The following ACACB variants were observed in gnomAD, a reference collection of about 807,000 sequenced individuals.
The protein encoded by ACACB is acetyl-CoA carboxylase beta, also known as acetyl-CoA carboxylase 2.
Under a neutral mutation model 278.8 loss-of-function variants are expected in ACACB, and 209 were observed. The observed-to-expected ratio is 0.75, with a 90% confidence interval of 0.67 to 0.84. ACACB has a LOEUF of 0.84. ACACB is among the 40% of genes least tolerant of loss of function. ACACB has a pLI of 0.00. For synonymous variants in ACACB, 1,174 were observed against 1,285.6 expected (o/e 0.91, Z 1.86); for missense variants, 2,850 against 3,269.0 (o/e 0.87, Z 3.13).
At chr12:109,218,614 C>A (rs1188840685) in intron 24 of ACACB, among the ~76,000 whole-genome samples, 1 of 150,828 alleles carries the variant, frequency 6.6e-6, no homozygotes, top group African/African-American at 2.4e-5. Flanking sequence ...AGAGTAAGAG[C>A]AACTTGGACT....
At chr12:109,117,554 C>T (rs1023707748) in intron 1 of ACACB, among the ~76,000 whole-genome samples, 1 of 151,912 alleles carries the variant, frequency 6.6e-6, no homozygotes, top group Non-Finnish European at 1.5e-5. Flanking sequence ...CCTGTCTAAC[C>T]CTCCTCCTCC....
intron 35 of ACACB, among the ~76,000 whole-genome samples, chr12:109,240,599 T>A (rs1232141088): frequency 6.7e-6 from 1 of 148,192 alleles, no homozygotes; most frequent in Non-Finnish European, 1.5e-5. Context: ...TTTTATTTTA[T>A]TATTTAATAA....
At position 109,247,632 on chromosome 12, in the gene ACACB, C is replaced by G. The variant is rs1335147414; in HGVS notation, c.5598C>G (p.Pro1866=). 1 of 1,613,932 alleles carries G rather than the reference C, an allele frequency of 6.2e-7. No homozygotes were observed. The highest frequency in any genetic ancestry group is 1.3e-5 in the African/African-American group (1 of 75,050). ...HKGFKYLYLT[P]QDYTRISSLN... ...GATTTAAATACCTGTACCTGACTCC[C>G]CAAGACTACACCAGAATCAGCTCCC... The change falls in exon 40 of 53, where the codon CCC becomes CCG. Residue 1866 remains proline, a synonymous_variant. Coordinates refer to ENST00000338432, the MANE Select transcript of ACACB (RefSeq NM_001093.4).
At chr12:109,229,688 C>A (rs2046414308) in intron 28 of ACACB, among the ~76,000 whole-genome samples, 2 of 152,092 alleles carry the variant, frequency 1.3e-5, no homozygotes, top group African/African-American at 4.8e-5. Context: ...CACCACCAAG[C>A]CCCACTACTT....
At position 109,227,400 on chromosome 12, in the gene ACACB, T is replaced by C. The variant is rs767464783; in HGVS notation, c.3912T>C (p.Tyr1304=). Residue 1304 remains tyrosine (Y), a synonymous_variant, in exon 28 of 53, where the codon TAT becomes TAC. Transcript: ENST00000338432. ...EVYVRRGYIA[Y]ELNSLQHRQL... Reference sequence around the variant, plus strand: ...ACGTGCGGAGGGGCTACATCGCCTATGAGTTAAACAGCCTGCAGCACCGGC... The same window carrying C: ...ACGTGCGGAGGGGCTACATCGCCTACGAGTTAAACAGCCTGCAGCACCGGC... 2.2e-5 allele frequency: 36 copies of C among 1,613,534 alleles called. 1 individual carries two copies. In the South Asian group the frequency reaches 3.0e-4, roughly 13 times the overall value.
Position 109,191,951 on chromosome 12 carries a change from G to A in ACACB, c.2399+1G>A, listed in dbSNP as rs1441934845. The A allele has an allele frequency of 3.7e-6, 6 of 1,614,058 alleles. No individual in the cohort carries two copies. The Admixed American group carries it at 8.3e-5, about 22-fold the overall frequency. On this transcript the variant is annotated splice_donor_variant, in intron 15 of 52. Coordinates refer to ENST00000338432, the MANE Select transcript of ACACB (RefSeq NM_001093.4). LOFTEE classifies it high-confidence loss of function. ...CAGATTTCTTACACTCCCTGGAAAG[G>A]TAGGGGCTGTGGCAGTTCCCTTCTG...
At chr12:109,223,028 G>A in intron 26 of ACACB, 116 bp downstream of exon 26, 1 of 808,910 alleles carries the variant, frequency 1.2e-6, no homozygotes, top group Non-Finnish European at 2.0e-6. Context: ...GCAGGGCACA[G>A]CCACAGATGC....
chr12:109,232,903 G>C, intron 29 of ACACB, 97 bp downstream of exon 29: 1 of 1,457,958 alleles, frequency 6.9e-7, no homozygotes, highest in Non-Finnish European at 9.4e-7. Flanking sequence ...TGGGGTGGGA[G>C]AGACCCAGAC....
rs748741230 is a variant in ACACB, at chr12:109,241,287, G to C, written c.5022+6G>C. The C allele has an allele frequency of 1.2e-6, 2 of 1,613,562 alleles. No individual in the cohort carries two copies. The highest frequency in any genetic ancestry group is 3.3e-5 in the Admixed American group (2 of 59,994). On this transcript the variant is annotated splice_donor_region_variant and intron_variant, in intron 36 of 52. Transcript: ENST00000338432. ...CTGACTCCAGATCTGGAAATGTAAG[G>C]CTGGCCCGCGCCGTGGGGGTCTAAG...
chr12:109,123,536 T>A (rs961465809), intron 1 of ACACB, among the ~76,000 whole-genome samples: 1 of 151,410 alleles, frequency 6.6e-6, no homozygotes, highest in Non-Finnish European at 1.5e-5. Flanking sequence ...CTACAAAAAA[T>A]ACAAAAATTA....
At position 109,256,157 on chromosome 12, in the gene ACACB, C is replaced by T; in HGVS notation, c.6184C>T (p.Gln2062Ter). ...GTCCACAGCTCTGAAGGGAACGTGG[C>T]AGAGCGGATTCTTTGACCACGGCAG... ...RPHPTLKGTW[Q>*]SGFFDHGSFK... is the part of the protein sequence containing the mutation. Residue 2062 changes from glutamine to a stop codon, truncating the protein, a stop_gained, in exon 45 of 53, where the codon CAG becomes TAG. Coordinates refer to ENST00000338432, the MANE Select transcript of ACACB (RefSeq NM_001093.4). LOFTEE classifies it high-confidence loss of function. 6.2e-7 allele frequency: 1 copy of T among 1,613,898 alleles called. No individual in the cohort carries two copies. Among genetic ancestry groups the T allele is most frequent in the Non-Finnish European group, 8.5e-7 (1 of 1,179,880 alleles).
chr12:109,127,962 T>C (rs2042722246), intron 1 of ACACB, among the ~76,000 whole-genome samples: 1 of 152,188 alleles, frequency 6.6e-6, no homozygotes, highest in African/African-American at 2.4e-5. Flanking sequence ...TTAGGAACTT[T>C]GGCAGAGTCC....
intron 42 of ACACB, 41 bp downstream of exon 42, chr12:109,252,197 C>T (rs1162163668): frequency 1.4e-6 from 2 of 1,399,826 alleles, no homozygotes; most frequent in Non-Finnish European, 1.9e-6. Context: ...TCCTTGGGGG[C>T]CAGGAGTCAT....
intron 1 of ACACB, among the ~76,000 whole-genome samples, chr12:109,120,291 C>T (rs80032845): frequency 3.3e-5 from 5 of 152,174 alleles, no homozygotes; most frequent in African/African-American, 1.2e-4. Flanking sequence ...CTTCTCAGAG[C>T]CTTTACTATG....
At chr12:109,187,803 G>A (rs145785217) in intron 12 of ACACB, among the ~76,000 whole-genome samples, 196 bp from the exon 13 acceptor site, 213 of 152,120 alleles carry the variant, frequency 1.4e-3, no homozygotes, top group African/African-American at 4.8e-3. Context: ...AAGAATTATA[G>A]GCATTGAGGA....
intron 1 of ACACB, among the ~76,000 whole-genome samples, chr12:109,129,701 C>T (rs551066551): frequency 6.6e-6 from 1 of 152,330 alleles, no homozygotes; most frequent in South Asian, 2.1e-4. Flanking sequence ...AGGGCACCAT[C>T]CCCTCTGCCC....
At chr12:109,123,096 G>A (rs1011896009) in intron 1 of ACACB, among the ~76,000 whole-genome samples, 2 of 151,126 alleles carry the variant, frequency 1.3e-5, no homozygotes, top group African/African-American at 4.9e-5. Context: ...CAGGAGAATG[G>A]CATGAACCCA....
intron 49 of ACACB, chr12:109,264,022 C>T: frequency 1.7e-6 from 1 of 575,888 alleles, no homozygotes; most frequent in South Asian, 2.3e-5. Flanking sequence ...GGGGTGGGGG[C>T]CAGGCCAGTG....
chr12:109,246,404 CA>C lies in ACACB; in HGVS notation c.5528del (p.His1843ProfsTer22), dbSNP rs1247866319. 3 of 1,613,614 alleles carry C rather than the reference CA, an allele frequency of 1.9e-6. No homozygotes were observed. Among genetic ancestry groups the C allele is most frequent in the Non-Finnish European group, 2.5e-6 (3 of 1,179,894 alleles). On this transcript the variant is annotated frameshift_variant, in exon 39 of 53. Coordinates refer to ENST00000338432, the MANE Select transcript of ACACB (RefSeq NM_001093.4). LOFTEE classifies it high-confidence loss of function. ...TATTGGCATGGCAGAGGAGATCAAA[CA>C]CATGTTCCACGTGGCTTGGGTGGAC... ...ARIGMAEEIK[H>X]MFHVAWVDPE...
Sources: allele counts gnomAD v4.1 joint callset (sites outside exome capture counted in the v4.1 genomes callset), GRCh38; gene constraint gnomAD v4.1.1; transcripts MANE v1.5; gene names NCBI Gene and HGNC (gene_info 2026-07-23, HGNC 2026-07-21).